Variants in TSPEAR observed in about 807,000 individuals in gnomAD.
TSPEAR encodes thrombospondin type laminin G domain and EAR repeats.
A neutral mutation model predicts 71.6 loss-of-function variants in TSPEAR; 69 were observed. That is an observed-to-expected ratio of 0.96 (90% CI 0.79 to 1.18). The LOEUF (loss-of-function observed/expected upper bound fraction) is 1.18. Among genes scored for constraint, TSPEAR ranks in the 50% most tolerant of loss-of-function variants. The pLI is 0.00. For synonymous variants in TSPEAR, 402 were observed against 387.2 expected, an observed-to-expected ratio of 1.04 and a Z score of -0.45; for missense variants, 971 against 894.9, an observed-to-expected ratio of 1.09 and a Z score of -1.09.
At chr21:44,647,346 C>T in intron 1 of TSPEAR, 1 of 1,613,616 alleles carries the variant, frequency 6.2e-7, no homozygotes, top group Non-Finnish European at 8.5e-7. Flanking sequence ...GCAAGAAGTC[C>T]AGCTGCTGAG....
At chr21:44,525,590 C>T (rs1569164297) in intron 8 of TSPEAR, 63 bp downstream of exon 8, 7 of 1,536,138 alleles carry the variant, frequency 4.6e-6, no homozygotes, top group Non-Finnish European at 6.3e-6. Context: ...TTCGCCCTGC[C>T]TGCAAGTCTC....
At chr21:44,577,063 T>C (rs1555924075) in intron 1 of TSPEAR, among the ~76,000 whole-genome samples, 1 of 152,122 alleles carries the variant, frequency 6.6e-6, no homozygotes, top group Non-Finnish European at 1.5e-5. Context: ...TAAATCACAA[T>C]GGAAATTATG....
chr21:44,590,798 C>T (rs587722047), intron 1 of TSPEAR, among the ~76,000 whole-genome samples: 41 of 152,094 alleles, frequency 2.7e-4, no homozygotes, highest in Admixed American at 2.2e-3. Flanking sequence ...CACTTTGTCC[C>T]GAAACTCCTG....
chr21:44,512,479 T>C lies in TSPEAR; in HGVS notation c.1567-3093A>G, dbSNP rs111335021. Among the ~76,000 whole-genome samples, 1,371 of 152,036 alleles carry C rather than the reference T, an allele frequency of 9.0e-3. 24 individuals are homozygous for C. The highest frequency in any genetic ancestry group is 0.03 in the African/African-American group (1,250 of 41,460). On this transcript the variant is annotated intron_variant, in intron 9 of 11. Coordinates refer to ENST00000323084, the MANE Select transcript of TSPEAR (RefSeq NM_144991.3). ...GCTTTGGGAGACCACTCAGAGAACC[T>C]GGTATTTCCCTAGGCATGGGTGGCA...
At chr21:44,521,110 G>A (rs1555914191) in intron 9 of TSPEAR, among the ~76,000 whole-genome samples, 1 of 152,226 alleles carries the variant, frequency 6.6e-6, no homozygotes, top group African/African-American at 2.4e-5. Flanking sequence ...AGGACACCAG[G>A]GAGGTGATGT....
intron 1 of TSPEAR, among the ~76,000 whole-genome samples, chr21:44,615,305 G>A (rs1218830048): frequency 1.3e-5 from 2 of 152,248 alleles, no homozygotes; most frequent in Non-Finnish European, 2.9e-5. Context: ...CCGCACACAC[G>A]CAGGAGCGCG....
chr21:44,528,611 T>G, intron 5 of TSPEAR, 28 bp from the exon 6 acceptor site: 14 of 1,611,666 alleles, frequency 8.7e-6, no homozygotes, highest in Non-Finnish European at 1.2e-5. Context: ...AAGATGAGTT[T>G]CCAGCAAGCC....
chr21:44,552,495 G>A (rs1336837952), intron 2 of TSPEAR, among the ~76,000 whole-genome samples: 3 of 152,150 alleles, frequency 2.0e-5, no homozygotes, highest in African/African-American at 4.8e-5. Flanking sequence ...AGCCTATAGC[G>A]CTAGGGAGGC....
chr21:44,622,296 G>A (rs2838600), intron 1 of TSPEAR, among the ~76,000 whole-genome samples: 14,355 of 151,960 alleles, frequency 0.094, 1,320 homozygotes, highest in East Asian at 0.25. Context: ...TTTTGCTTAC[G>A]CAAGGAATCT....
chr21:44,528,680 A>G, intron 5 of TSPEAR, 97 bp from the exon 6 acceptor site: 1 of 1,499,622 alleles, frequency 6.7e-7, no homozygotes, highest in Non-Finnish European at 9.0e-7. Flanking sequence ...GCCCTGCCTC[A>G]GCCTCTGCAT....
At chr21:44,686,872 C>T (rs1452424859) in intron 1 of TSPEAR, among the ~76,000 whole-genome samples, 1 of 152,204 alleles carries the variant, frequency 6.6e-6, no homozygotes, top group Non-Finnish European at 1.5e-5. Flanking sequence ...GAAGCTGTTT[C>T]TCGTTGTCCT....
intron 11 of TSPEAR, among the ~76,000 whole-genome samples, chr21:44,503,435 G>T (rs1555911426): frequency 7.3e-6 from 1 of 136,598 alleles, no homozygotes; most frequent in Non-Finnish European, 1.6e-5. Flanking sequence ...CCCTCGGGGG[G>T]AAGCAAGGCT....
intron 11 of TSPEAR, among the ~76,000 whole-genome samples, chr21:44,501,083 A>T (rs1389356306): frequency 6.6e-6 from 1 of 152,244 alleles, no homozygotes; most frequent in Admixed American, 6.5e-5. Flanking sequence ...TTTCTTCCAG[A>T]TTACATGAAG....
intron 1 of TSPEAR, among the ~76,000 whole-genome samples, chr21:44,652,310 C>T (rs370416060): frequency 8.5e-4 from 129 of 152,228 alleles, no homozygotes; most frequent in Middle Eastern, 3.4e-3. Context: ...AATTTTTTTC[C>T]TTAGATGAAA....
intron 1 of TSPEAR, among the ~76,000 whole-genome samples, chr21:44,610,612 C>T (rs1368590954): frequency 1.3e-5 from 2 of 152,368 alleles, no homozygotes; most frequent in Non-Finnish European, 2.9e-5. Flanking sequence ...GGGCCAGGGC[C>T]CCCACACAGA....
chr21:44,635,725 G>A (rs1358427379), intron 1 of TSPEAR, among the ~76,000 whole-genome samples: 6 of 152,202 alleles, frequency 3.9e-5, no homozygotes, highest in Non-Finnish European at 8.8e-5. Context: ...ACTAGGTAGT[G>A]GGGATGGTTG....
intron 11 of TSPEAR, among the ~76,000 whole-genome samples, chr21:44,503,520 T>C (rs1391561188): frequency 1.7e-5 from 2 of 115,602 alleles, no homozygotes; most frequent in African/African-American, 6.8e-5. Flanking sequence ...TGGTGAGCCC[T>C]TGGGGGGAAG....
intron 1 of TSPEAR, chr21:44,658,114 C>T (rs782719093): frequency 1.1e-5 from 17 of 1,613,264 alleles, no homozygotes; most frequent in East Asian, 4.5e-5. Context: ...GCATTGTGTG[C>T]GTGGCTCCCT....
In TSPEAR at chr21:44,567,850, A is replaced by G; in HGVS notation, c.238T>C (p.Cys80Arg). Residue 80 changes from cysteine (C) to arginine (R), a missense_variant, in exon 2 of 12, where the codon TGT becomes CGT. Cys to Arg is a radical substitution (Grantham distance 180, BLOSUM62 -3). Transcript: ENST00000323084. ...SFPASRIFSQ[C>R]DLFPEEFSIV... ...GAAAATTCTTCAGGGAAGAGGTCAC[A>G]CTGGGAGAAAATCCTGGATGCTGGG... The G allele has an allele frequency of 3.1e-6, 5 of 1,609,848 alleles. No individual in the cohort carries two copies. Among genetic ancestry groups the G allele is most frequent in the Non-Finnish European group, 4.2e-6 (5 of 1,177,552 alleles).
Sources: gnomAD v4.1 joint callset for allele counts (sites outside exome capture counted in the v4.1 genomes callset) on GRCh38, gnomAD v4.1.1 for gene constraint, MANE v1.5 for transcripts, NCBI Gene and HGNC (gene_info 2026-07-23, HGNC 2026-07-21) for gene names.